Variants in ATF7IP observed in about 807,000 individuals in gnomAD.
ATF7IP encodes the protein activating transcription factor 7 interacting protein, also known as activating transcription factor 7-interacting protein 1.
Under a neutral mutation model 106.4 loss-of-function variants are expected in ATF7IP, and 23 were observed. The observed-to-expected ratio is 0.22, with a 90% CI of 0.16 to 0.31. The LOEUF (loss-of-function observed/expected upper bound fraction) is 0.31, where lower values mean the gene tolerates loss of function less well. Among genes scored for constraint, ATF7IP ranks in the 10% least tolerant of loss-of-function variants. ATF7IP has a pLI of 1.00. For missense variants in ATF7IP, 1,334 were observed against 1,524.3 expected (o/e 0.88, Z 2.08); for synonymous variants, 542 against 539.0 (o/e 1.01, Z -0.08).
intron 13 of ATF7IP, 106 bp from the exon 14 acceptor site, chr12:14,496,125 G>A (rs1945004405): frequency 5.8e-6 from 4 of 694,036 alleles, no homozygotes; most frequent in South Asian, 2.0e-5. Context: ...CTTTCCTTTC[G>A]AATCTTGAAA....
chr12:14,379,155 TC>T (rs1439956236), intron 1 of ATF7IP, among the ~76,000 whole-genome samples: 2 of 152,158 alleles, frequency 1.3e-5, no homozygotes, highest in African/African-American at 4.8e-5. Context: ...TTTAGCACCA[TC>T]CCCCTTGGTA....
intron 3 of ATF7IP, 73 bp from the exon 4 acceptor site, chr12:14,436,019 AAATAATATTTTGCT>A: frequency 7.4e-7 from 1 of 1,344,786 alleles, no homozygotes; most frequent in Non-Finnish European, 1.0e-6. Context: ...ATTATGATAG[AAATAATATTTTGCT>A]AAGGATGGAT....
rs1231902340 is a variant in ATF7IP at position 14,473,288 on chromosome 12, CTCTG to C, written c.2863-2600_2863-2597del. Among the ~76,000 whole-genome samples, 866 of 140,302 alleles carry C rather than the reference CTCTG, an allele frequency of 6.2e-3. 8 individuals carry two copies. The highest frequency in any genetic ancestry group is 0.028 in the East Asian group (131 of 4,732). 92.0% of individuals were successfully genotyped at this position (140,302 alleles called of 152,430 possible). On this transcript the variant is annotated intron_variant, in intron 10 of 14. Transcript: ENST00000261168. The stretch of plus-strand genomic sequence containing the variant: ...GCTTTTTAGCGCGCTCTCTCTCTCT[CTCTG>C]TGTGTGTGTGTGTGTGTGTGTGTGT...
At chr12:14,386,630 T>C (rs931368196) in intron 1 of ATF7IP, among the ~76,000 whole-genome samples, 4 of 152,174 alleles carry the variant, frequency 2.6e-5, no homozygotes, top group African/African-American at 9.6e-5. Context: ...GGACACGTGA[T>C]ATTTTATTGT....
chr12:14,385,079 C>T, intron 1 of ATF7IP: 1 of 289,470 alleles, frequency 3.5e-6, no homozygotes, highest in South Asian at 1.2e-4. Context: ...GATTCACAGG[C>T]ATTATGTTAC....
intron 10 of ATF7IP, among the ~76,000 whole-genome samples, chr12:14,475,060 A>G (rs1944210410): frequency 6.6e-6 from 1 of 152,222 alleles, no homozygotes; most frequent in South Asian, 2.1e-4. Flanking sequence ...AGTATCGCAG[A>G]TGAAAACCTT....
intron 13 of ATF7IP, among the ~76,000 whole-genome samples, chr12:14,494,932 CAAAA>C (rs34929652): frequency 2.5e-5 from 2 of 79,128 alleles, no homozygotes; most frequent in African/African-American, 4.9e-5. Context: ...GACTCTGTCT[CAAAA>C]AAAAAAAAAA....
rs1001585845 is a variant in ATF7IP, at chr12:14,502,839, T to C, written c.*4766T>C. The C allele has an allele frequency of 1.3e-5, 2 of 152,100 alleles. No individual in the cohort carries two copies. The highest frequency in any genetic ancestry group is 1.3e-4 in the Admixed American group (2 of 15,262). The allele number at this position is 152,100 out of a possible 1,614,324, so 9.4% of individuals were successfully genotyped here. A position where few individuals can be genotyped will look rare whatever the true frequency, so the allele number is the denominator to read the frequency against. ...GTGTTTTTCTTTTTTAAATGTATAGTAGAGTGGTGTCTGTATAAGTGTTAC... is the reference window on the plus strand; with the variant it reads ...GTGTTTTTCTTTTTTAAATGTATAGCAGAGTGGTGTCTGTATAAGTGTTAC... On this transcript the variant is annotated 3_prime_UTR_variant, in exon 15 of 15. Coordinates refer to ENST00000261168, the MANE Select transcript of ATF7IP (RefSeq NM_018179.5).
intron 5 of ATF7IP, among the ~76,000 whole-genome samples, chr12:14,439,849 A>T (rs949262018): frequency 8.2e-6 from 1 of 122,672 alleles, no homozygotes; most frequent in Admixed American, 7.6e-5. Flanking sequence ...AAATCCATCC[A>T]TCCATCCATC....
Position 14,497,889 on chromosome 12 carries a change from C to A in ATF7IP, c.3629C>A (p.Pro1210His). 1 of 1,614,160 alleles carries A rather than the reference C, an allele frequency of 6.2e-7. No individual in the cohort carries two copies. The highest frequency in any genetic ancestry group is 2.2e-5 in the East Asian group (1 of 44,850). ...CATGAGGAACCCAGTGCCACTGTGC[C>A]CTCACAATGGAAAAAGATTGGGGAA... ...AYHEEPSATV[P>H]SQWKKIGEVK... is the part of the protein sequence containing the mutation. Residue 1210 changes from proline (P) to histidine (H), a missense_variant, in exon 15 of 15, where the codon CCC (proline) becomes CAC (histidine). Coordinates refer to ENST00000261168, the MANE Select transcript of ATF7IP (RefSeq NM_018179.5).
intron 6 of ATF7IP, among the ~76,000 whole-genome samples, chr12:14,455,757 G>A (rs767566766): frequency 2.6e-5 from 4 of 151,730 alleles, no homozygotes; most frequent in Non-Finnish European, 5.9e-5. Context: ...GCTAATTTTT[G>A]TATTTTTTTT....
At chr12:14,482,061 A>G (rs976427542) in intron 13 of ATF7IP, 3 of 152,340 alleles carry the variant, frequency 2.0e-5, no homozygotes, top group African/African-American at 7.2e-5. Context: ...AGTAAAGAAA[A>G]ATAATAAAAT....
chr12:14,434,869 T>G (rs541495025), intron 3 of ATF7IP, among the ~76,000 whole-genome samples: 10 of 152,124 alleles, frequency 6.6e-5, no homozygotes, highest in Non-Finnish European at 1.3e-4. Context: ...AAGGATTGCT[T>G]GAGGCCAGTA....
At chr12:14,395,206 G>A (rs1320819215) in intron 1 of ATF7IP, 1 of 151,894 alleles carries the variant, frequency 6.6e-6, no homozygotes, top group African/African-American at 2.4e-5. Context: ...AAGTAGCAGT[G>A]GTTTACAGAA....
intron 10 of ATF7IP, among the ~76,000 whole-genome samples, chr12:14,467,350 A>C (rs901939134): frequency 6.6e-6 from 1 of 152,140 alleles, no homozygotes; most frequent in Admixed American, 6.6e-5. Context: ...AAATATGACT[A>C]TTTTCTTTAA....
intron 5 of ATF7IP, among the ~76,000 whole-genome samples, chr12:14,441,841 A>G (rs1942726480): frequency 6.6e-6 from 1 of 152,162 alleles, no homozygotes; most frequent in African/African-American, 2.4e-5. Context: ...CTTATTAGAT[A>G]CATGATTGCA....
intron 1 of ATF7IP, among the ~76,000 whole-genome samples, chr12:14,370,902 A>G (rs1938507340): frequency 1.4e-5 from 2 of 145,004 alleles, no homozygotes; most frequent in Admixed American, 1.4e-4. Flanking sequence ...AACACAGACA[A>G]TTTTTTTTTT....
chr12:14,418,292 T>A (rs1941306372), intron 1 of ATF7IP, among the ~76,000 whole-genome samples: 1 of 152,126 alleles, frequency 6.6e-6, no homozygotes, highest in South Asian at 2.1e-4. Context: ...TTATTTTGAC[T>A]CTCATCCTCA....
At chr12:14,377,903 C>T (rs1364691738) in intron 1 of ATF7IP, among the ~76,000 whole-genome samples, 2 of 151,986 alleles carry the variant, frequency 1.3e-5, no homozygotes, top group South Asian at 2.1e-4. Context: ...GCTGGGATTA[C>T]AGGCATAAGC....
Sources: gnomAD v4.1 joint callset for allele counts (sites outside exome capture counted in the v4.1 genomes callset) on GRCh38, gnomAD v4.1.1 for gene constraint, MANE v1.5 for transcripts, NCBI Gene and HGNC (gene_info 2026-07-23, HGNC 2026-07-21) for gene names.